The following GRK7 variants were observed in gnomAD, a reference collection of about 807,000 sequenced individuals.
GRK7 encodes G protein-coupled receptor kinase 7.
In GRK7, 24 loss-of-function variants were observed where a neutral mutation model predicts 34.1. The ratio of observed to expected loss-of-function variants is 0.70; its 90% CI spans 0.51 to 0.99. The LOEUF is 0.99. Among genes scored for constraint, GRK7 ranks in the 50% least tolerant of loss-of-function variants. The pLI, the probability that GRK7 is intolerant of heterozygous loss-of-function variation, is 0.00. For synonymous variants in GRK7, 256 were observed against 279.4 expected (o/e 0.92, Z 0.84); for missense variants, 644 against 707.3 (o/e 0.91, Z 1.02).
chr3:141,777,491 ATTT>A (rs530806848), intron 2 of GRK7, among the ~76,000 whole-genome samples: 1 of 80,594 alleles, frequency 1.2e-5, no homozygotes, highest in East Asian at 3.1e-4. Flanking sequence ...AGCCCGGCTA[ATTT>A]TTTTTTTTTT....
intron 4 of GRK7, among the ~76,000 whole-genome samples, chr3:141,793,157 C>T (rs867617056): frequency 9.2e-5 from 14 of 152,198 alleles, no homozygotes; most frequent in South Asian, 2.1e-4. Flanking sequence ...ATAAGTGTTT[C>T]CCTGCATTCT....
At chr3:141,792,933 G>T (rs527246484) in intron 4 of GRK7, among the ~76,000 whole-genome samples, 1 of 152,176 alleles carries the variant, frequency 6.6e-6, no homozygotes, top group South Asian at 2.1e-4. Context: ...ACCCAAAAGG[G>T]CAGGGTTCAG....
chr3:141,811,276 C>T (rs1711089852), intron 5 of GRK7, among the ~76,000 whole-genome samples: 1 of 151,840 alleles, frequency 6.6e-6, no homozygotes, highest in South Asian at 2.1e-4. Context: ...CAAGATCGCG[C>T]CACTGCACTC....
chr3:141,757,129 C>CTTTTTTTTTCTTTTTTTTTT, the GRK7 span, among the ~76,000 whole-genome samples: 1 of 101,362 alleles, frequency 9.9e-6, no homozygotes, highest in East Asian at 2.8e-4. Context: ...AGATCTTCTT[C>CTTTTTTTTTCTTTTTTTTTT]TTTTTTTTTT....
chr3:141,813,967 T>A (rs970131699), intron 5 of GRK7, among the ~76,000 whole-genome samples: 2 of 152,200 alleles, frequency 1.3e-5, no homozygotes, highest in Non-Finnish European at 2.9e-5. Flanking sequence ...ATGTCAGTTA[T>A]CCTCATTCTT....
intron 4 of GRK7, among the ~76,000 whole-genome samples, chr3:141,805,598 T>G (rs1240883431): frequency 6.6e-6 from 1 of 152,216 alleles, no homozygotes; most frequent in Non-Finnish European, 1.5e-5. Context: ...TGCTGACTCA[T>G]GCACAGCCCG....
chr3:141,768,061 T>C (rs2084597795), intron 1 of GRK7, among the ~76,000 whole-genome samples: 1 of 152,178 alleles, frequency 6.6e-6, no homozygotes. Flanking sequence ...TGTTCATTCC[T>C]CTATGTTCCC....
At position 141,801,094 on chromosome 3, in the gene GRK7, A is replaced by G. The variant is rs376806287; in HGVS notation, c.1051-6551A>G. 2.6e-5 allele frequency among the ~76,000 whole-genome samples: 4 copies of G among 152,104 alleles called. 1 individual carries two copies. Among genetic ancestry groups the G allele is most frequent in the Admixed American group, 1.3e-4 (2 of 15,276 alleles). The stretch of plus-strand genomic sequence containing the variant: ...GGGAGGCCGAGGCGGGCGGATCACA[A>G]GGTCCTGAGATCGAGACCATCCTGG... On this transcript the variant is annotated intron_variant, in intron 4 of 5. Transcript: ENST00000682958.
chr3:141,754,039 T>A, the GRK7 span, among the ~76,000 whole-genome samples: 25 of 152,240 alleles, frequency 1.6e-4, no homozygotes, highest in Non-Finnish European at 2.6e-4. Flanking sequence ...GAGATAATGG[T>A]GCATAATATA....
intron 4 of GRK7, among the ~76,000 whole-genome samples, chr3:141,782,186 G>A (rs2084674988): frequency 6.6e-6 from 1 of 152,310 alleles, no homozygotes; most frequent in Non-Finnish European, 1.5e-5. Flanking sequence ...GCAACAATTT[G>A]GAAGTTAGAT....
At chr3:141,801,169 G>T (rs1710957986) in intron 4 of GRK7, among the ~76,000 whole-genome samples, 1 of 151,956 alleles carries the variant, frequency 6.6e-6, no homozygotes, top group Non-Finnish European at 1.5e-5. Context: ...AAATTAGCCG[G>T]GTGTGGTGGC....
chr3:141,761,801 G>C (rs201353297), upstream of GRK7, among the ~76,000 whole-genome samples: 5,062 of 128,636 alleles, frequency 0.039, 66 homozygotes, highest in South Asian at 0.067. Context: ...ATTTCTTGGA[G>C]GCTTTGCTCA....
chr3:141,770,758 G>A lies in GRK7; in HGVS notation c.-214-3822G>A, dbSNP rs189845197. ...GTTAAAAAGTCAAAAAACAACAAAC[G>A]TTGGTGAGGATGTTGAGAAAGGGAA... On this transcript the variant is annotated intron_variant, in intron 1 of 5. Transcript: ENST00000682958. Among the ~76,000 whole-genome samples, 73 of 152,180 alleles carry A rather than the reference G, an allele frequency of 4.8e-4. No individual in the cohort carries two copies. The East Asian group carries it at 6.8e-3, about 14-fold the overall frequency.
chr3:141,804,929 TCA>T (rs756496873), intron 4 of GRK7, among the ~76,000 whole-genome samples: 2 of 148,790 alleles, frequency 1.3e-5, no homozygotes, highest in Admixed American at 6.7e-5. Context: ...ACATGCATAC[TCA>T]CACATACACT....
At chr3:141,780,891 A>G in intron 4 of GRK7, 80 bp downstream of exon 4, 1 of 1,267,752 alleles carries the variant, frequency 7.9e-7, no homozygotes, top group Non-Finnish European at 1.1e-6. Context: ...TCCCAGGGCA[A>G]ATAGAGCCTT....
intron 5 of GRK7, among the ~76,000 whole-genome samples, chr3:141,815,902 T>C (rs1183024553): frequency 2.0e-5 from 3 of 152,170 alleles, no homozygotes; most frequent in Non-Finnish European, 4.4e-5. Flanking sequence ...GCAGCTTTAC[T>C]GCAACCTCAC....
rs1457710058 is a variant in GRK7 at position 141,817,070 on chromosome 3, A to G, written c.*20A>G. 8 of 1,526,856 alleles carry G rather than the reference A, an allele frequency of 5.2e-6. No individual in the cohort carries two copies. The highest frequency in any genetic ancestry group is 4.9e-5 in the South Asian group (4 of 81,942). The allele number at this position is 1,526,856 out of a possible 1,614,324, so 94.6% of individuals were successfully genotyped here. ...TTGTAAATTGCTCTCTTTACCAGAC[A>G]GGCAGCAGGAGTCTCGGCTGACATA... On this transcript the variant is annotated 3_prime_UTR_variant, in exon 6 of 6. Transcript: ENST00000682958.
At position 141,764,002 on chromosome 3, in the gene GRK7, C is replaced by T. The variant is rs1298437351; in HGVS notation, c.-1951C>T. On this transcript the variant is annotated 5_prime_UTR_variant, in exon 1 of 6. Transcript: ENST00000682958. Reference sequence around the variant, plus strand: ...CATGCAAGACGTCTTCATTTCTCTTCATTGCTGCTCTCCTTCCTTCCCTAA... The same window carrying T: ...CATGCAAGACGTCTTCATTTCTCTTTATTGCTGCTCTCCTTCCTTCCCTAA... Among the ~76,000 whole-genome samples, 1 of 152,210 alleles carries T rather than the reference C, an allele frequency of 6.6e-6. No individual in the cohort carries two copies. The highest frequency in any genetic ancestry group is 2.4e-5 in the African/African-American group (1 of 41,448).
intron 4 of GRK7, among the ~76,000 whole-genome samples, chr3:141,793,196 C>G (rs1269105850): frequency 6.6e-6 from 1 of 152,142 alleles, no homozygotes; most frequent in Non-Finnish European, 1.5e-5. Context: ...TTAATTGAAC[C>G]CAAAGAGAGG....
Sources: gnomAD v4.1 joint callset for allele counts (sites outside exome capture counted in the v4.1 genomes callset) on GRCh38, gnomAD v4.1.1 for gene constraint, MANE v1.5 for transcripts, NCBI Gene and HGNC (gene_info 2026-07-23, HGNC 2026-07-21) for gene names.